The following WDR45B variants were observed in gnomAD, a reference collection of about 807,000 sequenced individuals.
The protein encoded by WDR45B is WD repeat domain 45B.
A neutral mutation model predicts 44.6 loss-of-function variants in WDR45B; 20 were observed. The observed-to-expected ratio is 0.45, with a 90% confidence interval of 0.32 to 0.65. The LOEUF is 0.65. WDR45B is among the 30% of genes least tolerant of loss of function. The pLI is 0.05. For synonymous variants in WDR45B, 169 were observed against 164.9 expected (o/e 1.02, Z -0.19); for missense variants, 323 against 430.2 (o/e 0.75, Z 2.20).
chr17:82,642,423 C>T (rs1239799605), intron 2 of WDR45B, among the ~76,000 whole-genome samples: 2 of 152,192 alleles, frequency 1.3e-5, no homozygotes, highest in Non-Finnish European at 2.9e-5. Flanking sequence ...AACTGTCTTC[C>T]ATGAAACCAG....
chr17:82,624,955 A>G (rs1242240407), intron 5 of WDR45B, among the ~76,000 whole-genome samples: 2 of 152,154 alleles, frequency 1.3e-5, no homozygotes, highest in African/African-American at 4.8e-5. Context: ...TTTTTTGTAA[A>G]TTTTACCCTA....
intron 6 of WDR45B, 88 bp from the exon 7 acceptor site, chr17:82,619,216 G>A: frequency 8.1e-7 from 1 of 1,229,794 alleles, no homozygotes; most frequent in Non-Finnish European, 1.2e-6. Context: ...AAATCCATTA[G>A]TCCACACAAG....
intron 7 of WDR45B, among the ~76,000 whole-genome samples, chr17:82,618,513 A>T (rs1039899769): frequency 1.3e-5 from 2 of 152,180 alleles, no homozygotes. Flanking sequence ...CACCAGAAAG[A>T]CTAAAAATAA....
chr17:82,616,227 T>C (rs1355851517), intron 9 of WDR45B, among the ~76,000 whole-genome samples: 1 of 152,162 alleles, frequency 6.6e-6, no homozygotes, highest in South Asian at 2.1e-4. Flanking sequence ...GAGCATCTAA[T>C]CACCCGGTGT....
intron 2 of WDR45B, among the ~76,000 whole-genome samples, chr17:82,636,345 G>T (rs2045833040): frequency 6.6e-6 from 1 of 150,592 alleles, no homozygotes; most frequent in Admixed American, 6.6e-5. Flanking sequence ...AAAATGGAAA[G>T]AAAAAAAAGA....
rs1003107008 is a variant in WDR45B at position 82,648,183 on chromosome 17, G to A, written c.67+91C>T. On this transcript the variant is annotated intron_variant, in intron 1 of 9. Transcript: ENST00000392325. ...GGGTCCCGGGTGGAAGGCCTGGCCGGAAAGGGGCGCCCAGGAGAGGCCTGA... is the reference window on the plus strand; with the variant it reads ...GGGTCCCGGGTGGAAGGCCTGGCCGAAAAGGGGCGCCCAGGAGAGGCCTGA... 5.5e-6 allele frequency: 8 copies of A among 1,446,976 alleles called. No homozygotes were observed. In the African/African-American group the frequency reaches 8.9e-5, roughly 16 times the overall value. The allele number at this position is 1,446,976 out of a possible 1,614,324, so 89.6% of individuals were successfully genotyped here.
intron 5 of WDR45B, among the ~76,000 whole-genome samples, chr17:82,623,429 C>A (rs112927543): frequency 6.8e-6 from 1 of 147,542 alleles, no homozygotes; most frequent in Non-Finnish European, 1.5e-5. Context: ...GGGCTGGGCG[C>A]GGTGGCTCAC....
rs191413948 is a variant in WDR45B at position 82,617,473 on chromosome 17, C to T, written c.705-76G>A. On this transcript the variant is annotated intron_variant, in intron 7 of 9. Coordinates refer to ENST00000392325, the MANE Select transcript of WDR45B (RefSeq NM_019613.4). ...CAGAGACTTAACCCACAGCACTTGTCGACACTGTGGAACACCTCAACATTC... is the reference window on the plus strand; with the variant it reads ...CAGAGACTTAACCCACAGCACTTGTTGACACTGTGGAACACCTCAACATTC... 1,546 of 1,426,684 alleles carry T rather than the reference C, an allele frequency of 1.1e-3. 11 individuals carry two copies. Among genetic ancestry groups the T allele is most frequent in the Middle Eastern group, 8.7e-4 (5 of 5,764 alleles). 88.4% of individuals were successfully genotyped at this position (1,426,684 alleles called of 1,614,324 possible). A position where few individuals can be genotyped will look rare whatever the true frequency, so the allele number is the denominator to read the frequency against.
chr17:82,624,187 G>C (rs749441023), intron 5 of WDR45B, among the ~76,000 whole-genome samples: 16 of 152,170 alleles, frequency 1.1e-4, no homozygotes, highest in Non-Finnish European at 2.2e-4. Flanking sequence ...CACACACACA[G>C]AGGACAAATA....
chr17:82,640,592 G>A (rs1055686897), intron 2 of WDR45B, among the ~76,000 whole-genome samples: 1 of 152,066 alleles, frequency 6.6e-6, no homozygotes, highest in Admixed American at 6.6e-5. Context: ...CTCGTGATCT[G>A]CCCACCTTGG....
In WDR45B at chr17:82,617,369, T is replaced by A; in HGVS notation, c.733A>T (p.Ile245Phe). Residue 245 changes from isoleucine to phenylalanine, a missense_variant, in exon 8 of 10, where the codon ATC becomes TTC. Transcript: ENST00000392325. ...CINFNQDASLICVSSDHGTVH... is the reference protein window; with the variant it reads ...CINFNQDASLFCVSSDHGTVH... ...GTGCCGTGGTCGCTGGATACGCAGA[T>A]GAGGGACGCATCCTGATTGAAGTTG... 6.2e-7 allele frequency: 1 copy of A among 1,614,150 alleles called. No homozygotes were observed. Among genetic ancestry groups the A allele is most frequent in the South Asian group, 1.1e-5 (1 of 91,080 alleles).
At chr17:82,644,116 G>T in intron 1 of WDR45B, 93 bp from the exon 2 acceptor site, 1 of 1,197,708 alleles carries the variant, frequency 8.3e-7, no homozygotes, top group Non-Finnish European at 1.2e-6. Flanking sequence ...GAGAACTCTT[G>T]CAGATGCTCA....
chr17:82,645,316 A>C lies in WDR45B; in HGVS notation c.68-1293T>G, dbSNP rs572190384. On this transcript the variant is annotated intron_variant, in intron 1 of 9. Coordinates refer to ENST00000392325, the MANE Select transcript of WDR45B (RefSeq NM_019613.4). ...CCGTCTCAAAAAAAAAAACAAAAAT[A>C]AAAAATAAAAATAGAAATACCCAAA... is the stretch of plus-strand genomic sequence containing the variant. Among the ~76,000 whole-genome samples, 1,377 of 151,972 alleles carry C rather than the reference A, an allele frequency of 9.1e-3. 15 individuals carry two copies. The highest frequency in any genetic ancestry group is 0.016 in the South Asian group (79 of 4,822).
intron 5 of WDR45B, among the ~76,000 whole-genome samples, chr17:82,622,200 A>C (rs1267791453): frequency 1.3e-5 from 2 of 152,188 alleles, no homozygotes; most frequent in Non-Finnish European, 2.9e-5. Context: ...AAACGGAGGA[A>C]TAAGTTAACA....
rs370066080 is a variant in WDR45B at position 82,615,949 on chromosome 17, C to T, written c.1005G>A (p.Gln335=). ...KGECIRDVYA[Q]FLEMTDDKL Reference sequence around the variant, plus strand: ...GCTTGTCATCGGTCATCTCTAGAAACTGCGCGTAGACATCTCGGATGCACT... The same window carrying T: ...GCTTGTCATCGGTCATCTCTAGAAATTGCGCGTAGACATCTCGGATGCACT... Residue 335 remains glutamine, a synonymous_variant, in exon 10 of 10, where the codon CAG becomes CAA. Transcript: ENST00000392325. The T allele has an allele frequency of 2.0e-5, 33 of 1,613,558 alleles. No individual in the cohort carries two copies. The South Asian group carries it at 3.3e-4, about 16-fold the overall frequency.
In WDR45B at chr17:82,647,080, G is replaced by A. The variant is rs182419526; in HGVS notation, c.67+1194C>T. ...CCCGTCTCTACTAAAAATACAAAAAGTAGCCGGGCGTGGAGGCAGGCGCCT... is the reference window on the plus strand; with the variant it reads ...CCCGTCTCTACTAAAAATACAAAAAATAGCCGGGCGTGGAGGCAGGCGCCT... On this transcript the variant is annotated intron_variant, in intron 1 of 9. Coordinates refer to ENST00000392325, the MANE Select transcript of WDR45B (RefSeq NM_019613.4). Among the ~76,000 whole-genome samples the A allele has an allele frequency of 1.1e-3, 163 of 152,182 alleles. 2 individuals are homozygous for A. Among genetic ancestry groups the A allele is most frequent in the African/African-American group, 3.2e-3 (133 of 41,540 alleles).
At chr17:82,618,954 T>C in intron 7 of WDR45B, 89 bp downstream of exon 7, 1 of 1,254,012 alleles carries the variant, frequency 8.0e-7, no homozygotes, top group Non-Finnish European at 1.2e-6. Flanking sequence ...GGAGGGTGGC[T>C]GCTCCTACCC....
chr17:82,647,922 C>A (rs941834213), intron 1 of WDR45B, among the ~76,000 whole-genome samples: 1 of 150,266 alleles, frequency 6.7e-6, no homozygotes, highest in African/African-American at 2.4e-5. Flanking sequence ...CCCGAGTGGG[C>A]GTGGCGCGCG....
At chr17:82,625,606 C>G in intron 4 of WDR45B, 123 bp from the exon 5 acceptor site, 2 of 1,040,428 alleles carry the variant, frequency 1.9e-6, no homozygotes, top group Non-Finnish European at 2.9e-6. Context: ...AAGGAGTGTT[C>G]CTGAAGAAAA....
Sources: gnomAD v4.1 joint callset for allele counts (sites outside exome capture counted in the v4.1 genomes callset) on GRCh38, gnomAD v4.1.1 for gene constraint, MANE v1.5 for transcripts, NCBI Gene and HGNC (gene_info 2026-07-23, HGNC 2026-07-21) for gene names.